Variants in PREX1 observed in about 807,000 individuals in gnomAD.
The protein encoded by PREX1 is phosphatidylinositol-3,4,5-trisphosphate dependent Rac exchange factor 1, also known as phosphatidylinositol 3,4,5-trisphosphate-dependent Rac exchanger 1 protein.
A neutral mutation model predicts 198.3 loss-of-function variants in PREX1; 41 were observed. The observed-to-expected ratio is 0.21, with a 90% CI of 0.16 to 0.27. The LOEUF (loss-of-function observed/expected upper bound fraction) is 0.27. Ranked by LOEUF, PREX1 falls within the 10% of genes least tolerant of loss-of-function variation. The pLI, the probability that PREX1 is intolerant of heterozygous loss-of-function variation, is 1.00. For missense variants in PREX1, 1,620 were observed against 2,200.7 expected (o/e 0.74, Z 5.28); for synonymous variants, 843 against 887.2 (o/e 0.95, Z 0.89).
chr20:48,679,857 C>CCTCCCAGTCACACCCACCAGCATCAGG, intron 11 of PREX1, 103 bp from the exon 12 acceptor site: 1 of 873,544 alleles, frequency 1.1e-6, no homozygotes, highest in Non-Finnish European at 1.9e-6. Context: ...CCCCTCTGCC[C>CCTCCCAGTCACACCCACCAGCATCAGG]CTCCCAGTCA....
chr20:48,882,549 G>A, the PREX1 span, among the ~76,000 whole-genome samples: 1 of 141,704 alleles, frequency 7.1e-6, no homozygotes, highest in South Asian at 2.3e-4. Flanking sequence ...ATGTTTCTAT[G>A]AAGTTTCTAT....
At position 48,649,253 on chromosome 20, in the gene PREX1, A is replaced by C. The variant is rs1186529650; in HGVS notation, c.3305+47T>G. 1.9e-6 allele frequency: 3 copies of C among 1,585,210 alleles called. No individual in the cohort carries two copies. The Admixed American group carries it at 5.1e-5, about 27-fold the overall frequency. On this transcript the variant is annotated intron_variant, in intron 25 of 39. Transcript: ENST00000371941. ...CACAATGTCAGTAAGGCCAGGATTG[A>C]GAACACCTGCCCCTGCTCACGCCGG...
intron 2 of PREX1, among the ~76,000 whole-genome samples, chr20:48,746,094 C>G (rs937699143): frequency 6.6e-6 from 1 of 152,330 alleles, no homozygotes; most frequent in Admixed American, 6.5e-5. Flanking sequence ...AAACTTGGCT[C>G]AGTGCAACCT....
chr20:48,735,382 T>C (rs181110179), intron 3 of PREX1, among the ~76,000 whole-genome samples: 163 of 152,192 alleles, frequency 1.1e-3, no homozygotes, highest in Non-Finnish European at 1.8e-3. Context: ...AAGCAGCTCA[T>C]CTTGTTTCTA....
chr20:48,665,347 T>C (rs1019832002), intron 15 of PREX1, among the ~76,000 whole-genome samples: 5 of 146,310 alleles, frequency 3.4e-5, no homozygotes, highest in African/African-American at 1.3e-4. Context: ...TAATCCCGAC[T>C]CCAGACGGCC....
intron 10 of PREX1, among the ~76,000 whole-genome samples, chr20:48,685,318 A>T (rs988938339): frequency 3.9e-5 from 6 of 152,168 alleles, no homozygotes; most frequent in African/African-American, 1.4e-4. Context: ...CACAGATTTT[A>T]TTCTTTGCTT....
chr20:48,742,280 G>C (rs1284123427), intron 3 of PREX1, among the ~76,000 whole-genome samples: 1 of 152,184 alleles, frequency 6.6e-6, no homozygotes, highest in African/African-American at 2.4e-5. Context: ...TGGATCACGT[G>C]AACAGATGCG....
At chr20:48,864,946 G>A in the PREX1 span, among the ~76,000 whole-genome samples, 1 of 152,180 alleles carries the variant, frequency 6.6e-6, no homozygotes. Flanking sequence ...AGAGGAGCAG[G>A]CTGACCTGAC....
At chr20:48,639,584 C>T (rs774196301) in intron 30 of PREX1, among the ~76,000 whole-genome samples, 182 bp downstream of exon 30, 6 of 152,114 alleles carry the variant, frequency 3.9e-5, no homozygotes, top group Non-Finnish European at 8.8e-5. Context: ...AACTCCTGGG[C>T]TCAAGTCACA....
the PREX1 span, among the ~76,000 whole-genome samples, chr20:48,880,981 TAAAAAAAAAAAA>T: frequency 9.5e-5 from 2 of 20,968 alleles, no homozygotes; most frequent in Non-Finnish European, 1.5e-4. Flanking sequence ...AAACCATTGC[TAAAAAAAAAAAA>T]AAAAAAAAAA....
At chr20:48,824,715 C>T (rs1049148712) in intron 1 of PREX1, among the ~76,000 whole-genome samples, 11 of 152,108 alleles carry the variant, frequency 7.2e-5, no homozygotes, top group Non-Finnish European at 1.5e-4. Context: ...GGTCACAAGT[C>T]CAAGGATTTA....
chr20:48,674,029 G>A lies in PREX1; in HGVS notation c.1665+2164C>T, dbSNP rs185764403. ...TAGCAAGGCTGGGACTTGAACCCAC[G>A]TCTGTCTGGCTATAAAAGCATGAGT... is the stretch of plus-strand genomic sequence containing the variant. On this transcript the variant is annotated intron_variant, in intron 14 of 39. Transcript: ENST00000371941. Among the ~76,000 whole-genome samples the A allele has an allele frequency of 1.7e-3, 255 of 152,308 alleles. 1 individual carries two copies. The highest frequency in any genetic ancestry group is 5.3e-3 in the African/African-American group (222 of 41,568).
intron 1 of PREX1, among the ~76,000 whole-genome samples, chr20:48,810,550 C>G (rs1422314991): frequency 6.7e-6 from 1 of 149,762 alleles, no homozygotes; most frequent in Non-Finnish European, 1.5e-5. Flanking sequence ...CCACTGCACT[C>G]CAGCCTGGGC....
At chr20:48,626,960 C>A (rs2122795021) in intron 39 of PREX1, among the ~76,000 whole-genome samples, 1 of 152,268 alleles carries the variant, frequency 6.6e-6, no homozygotes, top group East Asian at 1.9e-4. Flanking sequence ...AGACTGAAAA[C>A]CACATGAAGA....
chr20:48,663,964 T>G (rs538115953), intron 15 of PREX1, among the ~76,000 whole-genome samples: 3 of 152,022 alleles, frequency 2.0e-5, no homozygotes, highest in Middle Eastern at 3.4e-3. Flanking sequence ...CACACTCTGC[T>G]CCCAGAACCT....
chr20:48,628,575 C>T (rs1426573752), intron 37 of PREX1, among the ~76,000 whole-genome samples: 1 of 152,200 alleles, frequency 6.6e-6, no homozygotes, highest in African/African-American at 2.4e-5. Context: ...GCATCCCGGC[C>T]TCTACCCACT....
the PREX1 span, among the ~76,000 whole-genome samples, chr20:48,841,029 G>C: frequency 1.3e-5 from 2 of 152,114 alleles, no homozygotes; most frequent in East Asian, 3.9e-4. Flanking sequence ...CGAACTCCTA[G>C]GCTCAAGCCT....
intron 35 of PREX1, 69 bp from the exon 36 acceptor site, chr20:48,630,863 T>G: frequency 8.2e-7 from 1 of 1,218,830 alleles, no homozygotes; most frequent in Non-Finnish European, 1.2e-6. Flanking sequence ...TACCCAGGTC[T>G]CAACTCCTGC....
At chr20:48,771,921 C>T (rs377387436) in intron 1 of PREX1, among the ~76,000 whole-genome samples, 219 of 152,238 alleles carry the variant, frequency 1.4e-3, no homozygotes, top group African/African-American at 2.4e-3. Flanking sequence ...AGGCTGGGCG[C>T]GGTGGCTCCC....
Sources: gnomAD v4.1 joint callset for allele counts (sites outside exome capture counted in the v4.1 genomes callset) on GRCh38, gnomAD v4.1.1 for gene constraint, MANE v1.5 for transcripts, NCBI Gene and HGNC (gene_info 2026-07-23, HGNC 2026-07-21) for gene names.